The following THEMIS variants were observed in gnomAD, a reference collection of about 807,000 sequenced individuals.
THEMIS encodes the protein thymocyte selection associated.
In THEMIS, 37 loss-of-function variants were observed where a neutral mutation model predicts 52.6. The ratio of observed to expected loss-of-function variants is 0.70; its 90% CI spans 0.54 to 0.93. The LOEUF is 0.93. THEMIS is among the 40% of genes least tolerant of loss of function. The probability of loss-of-function intolerance (pLI) is 0.00; values close to 1 mark genes in which losing one functional copy is unlikely to be tolerated. For synonymous variants in THEMIS, 292 were observed against 272.7 expected, an observed-to-expected ratio of 1.07 and a Z score of -0.70; for missense variants, 808 against 763.1, an observed-to-expected ratio of 1.06 and a Z score of -0.69.
intron 2 of THEMIS, among the ~76,000 whole-genome samples, chr6:127,837,743 G>T (rs1778919004): frequency 6.6e-6 from 1 of 151,860 alleles, no homozygotes; most frequent in Non-Finnish European, 1.5e-5. Flanking sequence ...TTTTTAACTT[G>T]ATATATATAC....
intron 4 of THEMIS, among the ~76,000 whole-genome samples, chr6:127,741,507 G>A (rs916667847): frequency 1.8e-4 from 28 of 152,100 alleles, no homozygotes; most frequent in African/African-American, 6.3e-4. Flanking sequence ...AGAATAAACC[G>A]ACTAAGGATA....
At position 127,813,929 on chromosome 6, in the gene THEMIS, G is replaced by T; in HGVS notation, c.712C>A (p.Arg238=). The change falls in exon 4 of 6, where the codon CGA becomes AGA. Residue 238 remains arginine, a splice_region_variant and synonymous_variant. Transcript: ENST00000368248. The part of the protein sequence containing the change: ...VYEIQGVMKF[R]KDIIRILPSL... ...GGGAGGATGCGGATTATATCTTTTC[G>T]AACTAAAAAGAAAAAATAAATCACT... is the stretch of plus-strand genomic sequence containing the variant. The T allele has an allele frequency of 3.3e-6, 5 of 1,525,948 alleles. No homozygotes were observed. Among genetic ancestry groups the T allele is most frequent in the Non-Finnish European group, 3.5e-6 (4 of 1,140,410 alleles). The allele number at this position is 1,525,948 out of a possible 1,614,324, so 94.5% of individuals were successfully genotyped here. A position where few individuals can be genotyped will look rare whatever the true frequency, so the allele number is the denominator to read the frequency against.
chr6:127,696,944 G>A, the THEMIS span, among the ~76,000 whole-genome samples: 1 of 151,902 alleles, frequency 6.6e-6, no homozygotes, highest in Admixed American at 6.6e-5. Context: ...GGATGTGAAG[G>A]CTTCAATATA....
At chr6:127,801,405 A>T (rs1777530340) in intron 4 of THEMIS, among the ~76,000 whole-genome samples, 1 of 152,172 alleles carries the variant, frequency 6.6e-6, no homozygotes, top group African/African-American at 2.4e-5. Flanking sequence ...AGCTCTTATC[A>T]TGTGAGTGGC....
chr6:127,889,286 C>A (rs187456786), intron 1 of THEMIS, among the ~76,000 whole-genome samples: 1 of 152,040 alleles, frequency 6.6e-6, no homozygotes, highest in African/African-American at 2.4e-5. Flanking sequence ...TTGGGAAGTA[C>A]AAGCATACCA....
At chr6:127,722,327 T>G (rs2114492617) in intron 4 of THEMIS, among the ~76,000 whole-genome samples, 1 of 152,140 alleles carries the variant, frequency 6.6e-6, no homozygotes, top group East Asian at 1.9e-4. Flanking sequence ...CCTTGTTTAC[T>G]TAGCCCCTCC....
chr6:127,779,082 A>C (rs527539755), intron 4 of THEMIS, among the ~76,000 whole-genome samples: 1 of 152,232 alleles, frequency 6.6e-6, no homozygotes, highest in Non-Finnish European at 1.5e-5. Context: ...TTCTGCAGAA[A>C]ACTGAAACTA....
chr6:127,764,588 T>C (rs1314562712), intron 4 of THEMIS, among the ~76,000 whole-genome samples: 2 of 152,020 alleles, frequency 1.3e-5, no homozygotes, highest in Non-Finnish European at 2.9e-5. Flanking sequence ...CCTAAAATAA[T>C]GCAGTTGGTA....
intron 4 of THEMIS, among the ~76,000 whole-genome samples, chr6:127,739,230 T>A (rs1460527216): frequency 1.3e-5 from 2 of 152,174 alleles, no homozygotes; most frequent in African/African-American, 4.8e-5. Flanking sequence ...AGAGAAGCAT[T>A]TGGGAACTAG....
chr6:127,807,111 C>A (rs938660157), intron 4 of THEMIS: 6 of 160,150 alleles, frequency 3.7e-5, no homozygotes, highest in Admixed American at 1.9e-4. Context: ...GCCTGTAATC[C>A]CAGCACTTTG....
intron 1 of THEMIS, among the ~76,000 whole-genome samples, chr6:127,861,749 A>T (rs1415071201): frequency 6.8e-6 from 1 of 146,392 alleles, no homozygotes; most frequent in African/African-American, 2.6e-5. Context: ...GCACCACTGC[A>T]CTCCAGCCTG....
intron 4 of THEMIS, among the ~76,000 whole-genome samples, chr6:127,746,923 AG>A (rs1397905526): frequency 4.7e-5 from 3 of 63,764 alleles, no homozygotes; most frequent in African/African-American, 2.0e-4. Context: ...AATTATATAT[AG>A]ATATCTATAA....
intron 4 of THEMIS, among the ~76,000 whole-genome samples, chr6:127,783,547 A>G (rs1776819620): frequency 6.6e-6 from 1 of 152,340 alleles, no homozygotes; most frequent in East Asian, 1.9e-4. Flanking sequence ...AAGAAAAATC[A>G]AACAACCCCA....
At chr6:127,840,985 G>C (rs1393701742) in intron 2 of THEMIS, among the ~76,000 whole-genome samples, 1 of 152,112 alleles carries the variant, frequency 6.6e-6, no homozygotes, top group East Asian at 1.9e-4. Context: ...GGATTTTTAG[G>C]GTGGTGAAAC....
intron 2 of THEMIS, among the ~76,000 whole-genome samples, chr6:127,850,875 A>C (rs1215124299): frequency 6.6e-6 from 1 of 151,698 alleles, no homozygotes; most frequent in Non-Finnish European, 1.5e-5. Context: ...GTAACCCTGA[A>C]TCTATGGAAA....
chr6:127,856,361 A>G (rs116625980), intron 1 of THEMIS, among the ~76,000 whole-genome samples: 138 of 152,076 alleles, frequency 9.1e-4, no homozygotes, highest in Middle Eastern at 3.4e-3. Context: ...GGCACACTCA[A>G]ATTAGAATAA....
intron 4 of THEMIS, among the ~76,000 whole-genome samples, chr6:127,776,429 G>C (rs971912378): frequency 6.6e-6 from 1 of 152,204 alleles, no homozygotes; most frequent in Admixed American, 6.5e-5. Context: ...GGGGAAGCCA[G>C]CTGCCATTTT....
At chr6:127,741,901 T>C (rs1204229432) in intron 4 of THEMIS, among the ~76,000 whole-genome samples, 1 of 152,032 alleles carries the variant, frequency 6.6e-6, no homozygotes, top group Non-Finnish European at 1.5e-5. Flanking sequence ...GTGAAAACAA[T>C]TTAAACACAT....
intron 1 of THEMIS, among the ~76,000 whole-genome samples, chr6:127,878,713 A>G (rs1780388945): frequency 6.6e-6 from 1 of 152,226 alleles, no homozygotes; most frequent in Non-Finnish European, 1.5e-5. Flanking sequence ...TGAGATTAAT[A>G]CTTCTCAATA....
Sources: allele counts gnomAD v4.1 joint callset (sites outside exome capture counted in the v4.1 genomes callset), GRCh38; gene constraint gnomAD v4.1.1; transcripts MANE v1.5; gene names NCBI Gene and HGNC (gene_info 2026-07-23, HGNC 2026-07-21).